Variants in GTPBP1 observed in about 807,000 individuals in gnomAD.
The protein encoded by GTPBP1 is GTP-binding protein 1.
In GTPBP1, 23 loss-of-function variants were observed where a neutral mutation model predicts 62.0. The ratio of observed to expected loss-of-function variants is 0.37; its 90% CI spans 0.27 to 0.53. The LOEUF (loss-of-function observed/expected upper bound fraction) is 0.53, where lower values mean the gene tolerates loss of function less well. Among genes scored for constraint, GTPBP1 ranks in the 20% least tolerant of loss-of-function variants. The pLI is 0.89. For missense variants in GTPBP1, 640 were observed against 917.3 expected (o/e 0.70, Z 3.90); for synonymous variants, 344 against 364.4 (o/e 0.94, Z 0.64).
At chr22:38,742,353 C>A (rs766230597), downstream of GTPBP1, 4 of 1,611,996 alleles carry the variant, frequency 2.5e-6, no homozygotes, top group South Asian at 3.3e-5. Context: ...GGCAGCTTCA[C>A]GGCGGCTCAC....
downstream of GTPBP1, chr22:38,736,838 G>A: frequency 6.5e-6 from 1 of 154,812 alleles, no homozygotes; most frequent in East Asian, 1.9e-4. Context: ...ACATCGTTCT[G>A]TCCTCTACCC....
downstream of GTPBP1, chr22:38,742,994 T>C (rs896607364): frequency 1.9e-5 from 3 of 160,416 alleles, no homozygotes; most frequent in African/African-American, 4.8e-5. Context: ...GGACTCTCAA[T>C]GGCTTTCACT....
chr22:38,723,509 A>G (rs1603192203), intron 5 of GTPBP1: 1 of 691,938 alleles, frequency 1.4e-6, no homozygotes, highest in Non-Finnish European at 2.5e-6. Flanking sequence ...TACCATCTTC[A>G]GTGCACGCGG....
At chr22:38,741,416 G>C (rs2092856582), downstream of GTPBP1, 3 of 1,441,564 alleles carry the variant, frequency 2.1e-6, no homozygotes, top group Non-Finnish European at 2.9e-6. Context: ...CCTTTGGAAG[G>C]GCCGAGGGGT....
Position 38,724,373 on chromosome 22 carries a change from T to C in GTPBP1, c.1035T>C (p.Asp345=). 5.6e-6 allele frequency: 9 copies of C among 1,612,990 alleles called. No homozygotes were observed. The highest frequency in any genetic ancestry group is 7.6e-6 in the Non-Finnish European group (9 of 1,179,004). The stretch of plus-strand genomic sequence containing the variant: ...TCCCCGTGCTGGTGCAGAGCAAAGA[T>C]GATGTGATTGTCACAGCCTCCAACT... ...RKIPVLVQSK[D]DVIVTASNFS... is the part of the protein sequence containing the mutation. Residue 345 remains aspartate, a synonymous_variant, in exon 6 of 12, where the codon GAT becomes GAC. Coordinates refer to ENST00000216044, the MANE Select transcript of GTPBP1 (RefSeq NM_004286.5).
intron 4 of GTPBP1, among the ~76,000 whole-genome samples, chr22:38,720,703 AAAC>A (rs2092695497): frequency 1.3e-5 from 2 of 152,190 alleles, no homozygotes; most frequent in African/African-American, 4.8e-5. Flanking sequence ...TGATATTTGG[AAAC>A]ATTTATTGTT....
downstream of GTPBP1, chr22:38,742,161 G>T: frequency 9.4e-7 from 1 of 1,058,754 alleles, no homozygotes; most frequent in Non-Finnish European, 1.3e-6. Flanking sequence ...AAAAAAAAAA[G>T]AAAAAAAGAG....
chr22:38,709,511 C>A (rs528109285), intron 2 of GTPBP1, among the ~76,000 whole-genome samples: 1 of 152,110 alleles, frequency 6.6e-6, no homozygotes, highest in Non-Finnish European at 1.5e-5. Context: ...TCTCTATTTG[C>A]ATAAGAGGAA....
At chr22:38,740,717 T>C, downstream of GTPBP1, 1 of 583,704 alleles carries the variant, frequency 1.7e-6, no homozygotes, top group South Asian at 2.1e-5. The surrounding 1 kb of genome is among the most constrained non-coding windows in gnomAD (Gnocchi z 4.8). Context: ...ATCTGGGGCA[T>C]GAGAAGGCAG....
chr22:38,716,881 A>G lies in GTPBP1; in HGVS notation c.715A>G (p.Lys239Glu). 6.2e-7 allele frequency: 1 copy of G among 1,614,000 alleles called. No individual in the cohort carries two copies. The highest frequency in any genetic ancestry group is 1.3e-5 in the African/African-American group (1 of 75,072). Residue 239 changes from lysine to glutamate, a missense_variant, in exon 4 of 12, where the codon AAG (lysine) becomes GAG (glutamate). Transcript: ENST00000216044. The surrounding 1 kb of genome is among the most constrained non-coding windows in gnomAD (Gnocchi z 5.2). ...CCACGGCGGCAGCCTGGAGTGGACC[A>G]AGATCTGTGAGAAGTCCACGAAAGT... is the stretch of plus-strand genomic sequence containing the variant. ...DSHGGSLEWT[K>E]ICEKSTKVIT...
chr22:38,730,757 A>C lies in GTPBP1; in HGVS notation c.*53A>C. 1 of 973,436 alleles carries C rather than the reference A, an allele frequency of 1.0e-6. No individual in the cohort carries two copies. The highest frequency in any genetic ancestry group is 1.5e-6 in the Non-Finnish European group (1 of 657,282). The allele number at this position is 973,436 out of a possible 1,614,324, so 60.3% of individuals were successfully genotyped here. A position where few individuals can be genotyped will look rare whatever the true frequency, so the allele number is the denominator to read the frequency against. ...CAAGGGGTCATCATCTCTGGCCACCACTCCACCAGATGGGCAGAGCAGCTA... is the reference window on the plus strand; with the variant it reads ...CAAGGGGTCATCATCTCTGGCCACCCCTCCACCAGATGGGCAGAGCAGCTA... On this transcript the variant is annotated 3_prime_UTR_variant, in exon 12 of 12. Transcript: ENST00000216044. The surrounding 1 kb of genome is among the most constrained non-coding windows in gnomAD (Gnocchi z 5.6).
chr22:38,708,166 C>G (rs973887987), intron 1 of GTPBP1, among the ~76,000 whole-genome samples: 1 of 152,186 alleles, frequency 6.6e-6, no homozygotes, highest in African/African-American at 2.4e-5. Flanking sequence ...TGGTTAAATT[C>G]TTTGTCCAAG....
At chr22:38,739,119 T>C (rs2092832593), downstream of GTPBP1, 3 of 1,003,878 alleles carry the variant, frequency 3.0e-6, no homozygotes, top group Non-Finnish European at 4.5e-6. This position sits in a 1 kb window ranked among gnomAD's most constrained non-coding sequence, Gnocchi z 6.7. Flanking sequence ...ACCGAGATGC[T>C]CAGAGCAGCT....
chr22:38,712,951 G>T (rs2092648412), intron 2 of GTPBP1, among the ~76,000 whole-genome samples: 1 of 152,140 alleles, frequency 6.6e-6, no homozygotes, highest in Non-Finnish European at 1.5e-5. Flanking sequence ...ACTGGTTGTG[G>T]GGCATCAGGA....
At chr22:38,737,917 TGTGTAAAGCCCACCTCCTG>T (rs1248539385), downstream of GTPBP1, 3 of 664,788 alleles carry the variant, frequency 4.5e-6, no homozygotes, top group Admixed American at 6.2e-5. This position sits in a 1 kb window ranked among gnomAD's most constrained non-coding sequence, Gnocchi z 4.1. Flanking sequence ...CAACCCCTCT[TGTGTAAAGCCCACCTCCTG>T]GTGTCCTTTT....
At chr22:38,713,219 G>A (rs1331471229) in intron 2 of GTPBP1, among the ~76,000 whole-genome samples, 1 of 152,182 alleles carries the variant, frequency 6.6e-6, no homozygotes, top group Non-Finnish European at 1.5e-5. Context: ...TGCTGTGTGT[G>A]TGATGGGGCC....
At chr22:38,725,699 G>A (rs1056857740) in intron 6 of GTPBP1, 2 of 340,850 alleles carry the variant, frequency 5.9e-6, no homozygotes, top group East Asian at 5.3e-5. Flanking sequence ...AAGCAAGCAT[G>A]CGTGTGTTTT....
intron 4 of GTPBP1, among the ~76,000 whole-genome samples, chr22:38,717,222 C>T (rs149253465): frequency 4.6e-5 from 7 of 152,322 alleles, no homozygotes; most frequent in African/African-American, 9.6e-5. Context: ...AAGGTATCCT[C>T]TTGGTAAAAA....
chr22:38,739,640 G>T (rs1275066519), downstream of GTPBP1: 1 of 1,492,812 alleles, frequency 6.7e-7, no homozygotes, highest in Non-Finnish European at 9.2e-7. This position sits in a 1 kb window ranked among gnomAD's most constrained non-coding sequence, Gnocchi z 6.7. Context: ...ACCTGCCAGG[G>T]AGCTGGCAGT....
Sources: allele counts gnomAD v4.1 joint callset (sites outside exome capture counted in the v4.1 genomes callset), GRCh38; gene constraint gnomAD v4.1.1; non-coding constraint Gnocchi (gnomAD v3.1); transcripts MANE v1.5; gene names NCBI Gene and HGNC (gene_info 2026-07-23, HGNC 2026-07-21).